The following SLC47A1 variants were observed in gnomAD, a reference collection of about 807,000 sequenced individuals.
SLC47A1 encodes the protein solute carrier family 47 member 1, also known as multidrug and toxin extrusion protein 1.
Under a neutral mutation model 65.8 loss-of-function variants are expected in SLC47A1, and 58 were observed. The observed-to-expected ratio is 0.88, with a 90% CI of 0.71 to 1.10. The LOEUF (loss-of-function observed/expected upper bound fraction) is 1.10, where lower values mean the gene tolerates loss of function less well. Among genes scored for constraint, SLC47A1 ranks in the 50% least tolerant of loss-of-function variants. SLC47A1 has a pLI of 0.00. For missense variants in SLC47A1, 706 were observed against 719.2 expected, an observed-to-expected ratio of 0.98 and a Z score of 0.21; for synonymous variants, 285 against 295.0, an observed-to-expected ratio of 0.97 and a Z score of 0.35.
intron 5 of SLC47A1, among the ~76,000 whole-genome samples, chr17:19,550,735 C>T (rs1164525401): frequency 6.6e-6 from 1 of 152,182 alleles, no homozygotes; most frequent in Non-Finnish European, 1.5e-5. Context: ...TCTTACAGTT[C>T]AGGAAGCTGG....
chr17:19,537,082 T>A (rs1916007146), intron 1 of SLC47A1, among the ~76,000 whole-genome samples: 1 of 152,224 alleles, frequency 6.6e-6, no homozygotes, highest in Admixed American at 6.5e-5. Flanking sequence ...CAGCCTCTCA[T>A]CACCTGGCTG....
At chr17:19,552,810 C>T (rs1916489319) in intron 6 of SLC47A1, among the ~76,000 whole-genome samples, 1 of 152,116 alleles carries the variant, frequency 6.6e-6, no homozygotes, top group South Asian at 2.1e-4. Context: ...TACGCCACTG[C>T]GGTGGGAGGG....
In SLC47A1 at chr17:19,555,791, C is replaced by A. The variant is rs201893072; in HGVS notation, c.740-5C>A. The A allele has an allele frequency of 7.6e-5, 123 of 1,613,496 alleles. No homozygotes were observed. The highest frequency in any genetic ancestry group is 6.6e-4 in the Middle Eastern group (4 of 6,060). Reference sequence around the variant, plus strand: ...CTCCTGGAAATGTGTGTGTCCCCCCCACAGGCTGGTCCCTCGAGTGCCTGC... The same window carrying A: ...CTCCTGGAAATGTGTGTGTCCCCCCAACAGGCTGGTCCCTCGAGTGCCTGC... On this transcript the variant is annotated splice_polypyrimidine_tract_variant and splice_region_variant and intron_variant, in intron 8 of 16. Coordinates refer to ENST00000270570, the MANE Select transcript of SLC47A1 (RefSeq NM_018242.3).
chr17:19,567,567 T>C (rs966998714), intron 14 of SLC47A1, among the ~76,000 whole-genome samples: 8 of 152,166 alleles, frequency 5.3e-5, no homozygotes, highest in Admixed American at 1.3e-4. Context: ...GAAGAAGCAT[T>C]TGGAAGCATC....
chr17:19,572,698 G>T, intron 15 of SLC47A1, 82 bp from the exon 16 acceptor site: 1 of 1,284,052 alleles, frequency 7.8e-7, no homozygotes, highest in Non-Finnish European at 1.1e-6. Context: ...AAAATGGCTT[G>T]GCTCTTCCTA....
At chr17:19,572,894 C>T in intron 16 of SLC47A1, 33 bp downstream of exon 16, 1 of 1,596,490 alleles carries the variant, frequency 6.3e-7, no homozygotes, top group Non-Finnish European at 8.6e-7. Flanking sequence ...CTTGGACAGG[C>T]CTGTCTAGGT....
intron 16 of SLC47A1, 119 bp from the exon 17 acceptor site, chr17:19,577,208 A>G: frequency 1.5e-6 from 2 of 1,349,294 alleles, no homozygotes; most frequent in East Asian, 4.8e-5. Context: ...TCACTGTAGC[A>G]ATAGTGTCCT....
intron 15 of SLC47A1, among the ~76,000 whole-genome samples, chr17:19,572,027 G>A (rs2084403431): frequency 6.6e-6 from 1 of 152,178 alleles, no homozygotes; most frequent in South Asian, 2.1e-4. Flanking sequence ...AGTGGCTTAT[G>A]CCTGTAGTCC....
intron 10 of SLC47A1, 130 bp downstream of exon 10, chr17:19,556,192 A>G: frequency 9.3e-7 from 1 of 1,078,460 alleles, no homozygotes; most frequent in Non-Finnish European, 1.4e-6. Flanking sequence ...GTCAAATCCC[A>G]TCCTTGAGCC....
chr17:19,571,328 G>A (rs879281785), intron 14 of SLC47A1, 150 bp from the exon 15 acceptor site: 54 of 621,494 alleles, frequency 8.7e-5, no homozygotes, highest in Non-Finnish European at 1.1e-5. Context: ...GGAGGAGCAG[G>A]ATAGAGGTCT....
intron 13 of SLC47A1, 58 bp from the exon 14 acceptor site, chr17:19,567,037 TG>T: frequency 6.2e-7 from 1 of 1,612,170 alleles, no homozygotes. Context: ...GCTCGGGAGA[TG>T]GGAGTGTTTC....
At chr17:19,538,079 A>T (rs1400208392) in intron 1 of SLC47A1, among the ~76,000 whole-genome samples, 1 of 152,236 alleles carries the variant, frequency 6.6e-6, no homozygotes, top group Non-Finnish European at 1.5e-5. Context: ...CGATGGGGTT[A>T]TATGCACTGA....
chr17:19,548,131 C>T lies in SLC47A1; in HGVS notation c.453C>T (p.Ser151=). The T allele has an allele frequency of 6.2e-7, 1 of 1,611,730 alleles. No homozygotes were observed. The highest frequency in any genetic ancestry group is 8.5e-7 in the Non-Finnish European group (1 of 1,178,832). The change falls in exon 4 of 17, where the codon TCC becomes TCT. Residue 151 remains serine, a splice_region_variant and synonymous_variant. Transcript: ENST00000270570. The part of the protein sequence containing the change: ...LLLFRQDPDV[S]RLTQTYVTIF... ...TCTTCAGGCAGGACCCAGATGTGTCCAGGTAAGATGGAACCTGTCGCAGCG... is the reference window on the plus strand; with the variant it reads ...TCTTCAGGCAGGACCCAGATGTGTCTAGGTAAGATGGAACCTGTCGCAGCG...
intron 16 of SLC47A1, among the ~76,000 whole-genome samples, chr17:19,574,124 C>T (rs1482678898): frequency 4.6e-5 from 7 of 151,838 alleles, no homozygotes; most frequent in Admixed American, 6.6e-5. Context: ...AGTTTCACCA[C>T]GTTGGTCAGG....
intron 4 of SLC47A1, 125 bp downstream of exon 4, chr17:19,548,258 C>T (rs958271166): frequency 5.4e-5 from 65 of 1,212,988 alleles, no homozygotes; most frequent in Non-Finnish European, 5.8e-5. Flanking sequence ...CCTTGGCTGA[C>T]GTCTCCTAGG....
intron 1 of SLC47A1, 95 bp downstream of exon 1, chr17:19,534,169 C>T (rs1028591306): frequency 7.3e-7 from 1 of 1,362,702 alleles, no homozygotes. Flanking sequence ...CTTTGGGGAC[C>T]GAGCGAGCTG....
chr17:19,539,200 C>T (rs954953809), intron 1 of SLC47A1, among the ~76,000 whole-genome samples: 2 of 151,958 alleles, frequency 1.3e-5, no homozygotes, highest in African/African-American at 2.4e-5. Context: ...GATAAGCCAC[C>T]GTGCCCGGCC....
At chr17:19,548,740 A>G (rs539954103) in intron 4 of SLC47A1, among the ~76,000 whole-genome samples, 7 of 152,068 alleles carry the variant, frequency 4.6e-5, no homozygotes, top group African/African-American at 1.7e-4. Flanking sequence ...ACCTCACGGG[A>G]TCTGTCGCCT....
At chr17:19,536,280 T>TAATAATAATAATAATAAC (rs1373233153) in intron 1 of SLC47A1, among the ~76,000 whole-genome samples, 5 of 151,340 alleles carry the variant, frequency 3.3e-5, no homozygotes, top group African/African-American at 1.2e-4. Context: ...ATAATAATAA[T>TAATAATAATAATAATAAC]AACAGGGCAG....
Sources: allele counts gnomAD v4.1 joint callset (sites outside exome capture counted in the v4.1 genomes callset), GRCh38; gene constraint gnomAD v4.1.1; transcripts MANE v1.5; gene names NCBI Gene and HGNC (gene_info 2026-07-23, HGNC 2026-07-21).